Variants in NTM observed in about 807,000 individuals in gnomAD.
NTM encodes neurotrimin.
NTM carries 13 observed loss-of-function variants against 42.1 expected under a neutral mutation model. That is an observed-to-expected ratio of 0.31 (90% CI 0.20 to 0.49). The LOEUF is 0.49. Among genes scored for constraint, NTM ranks in the 20% least tolerant of loss-of-function variants. The pLI is 0.99. For missense variants in NTM, 373 were observed against 452.8 expected, an observed-to-expected ratio of 0.82 and a Z score of 1.60; for synonymous variants, 187 against 179.2, an observed-to-expected ratio of 1.04 and a Z score of -0.35.
intron 1 of NTM, among the ~76,000 whole-genome samples, chr11:131,651,314 C>T (rs2066446606): frequency 1.3e-5 from 2 of 152,118 alleles, no homozygotes; most frequent in Non-Finnish European, 2.9e-5. Flanking sequence ...TATAGCTAGT[C>T]AAAAAACAAG....
intron 2 of NTM, among the ~76,000 whole-genome samples, chr11:132,126,825 C>T (rs1416180399): frequency 1.3e-5 from 2 of 152,100 alleles, no homozygotes; most frequent in Non-Finnish European, 2.9e-5. Context: ...TGCCAGCTGC[C>T]CCTCCTTTGC....
At chr11:131,698,560 A>G (rs912567109) in intron 1 of NTM, among the ~76,000 whole-genome samples, 2 of 152,170 alleles carry the variant, frequency 1.3e-5, no homozygotes, top group African/African-American at 2.4e-5. Flanking sequence ...TTTAAAAACC[A>G]GACATTTCCC....
At chr11:131,736,992 C>T (rs546994426) in intron 1 of NTM, among the ~76,000 whole-genome samples, 1 of 152,204 alleles carries the variant, frequency 6.6e-6, no homozygotes, top group African/African-American at 2.4e-5. Context: ...TACAGTGACT[C>T]TCCTCAGGGG....
intron 3 of NTM, among the ~76,000 whole-genome samples, chr11:132,177,413 C>A (rs1406195335): frequency 2.0e-5 from 3 of 152,172 alleles, no homozygotes; most frequent in Admixed American, 2.0e-4. Context: ...CTTTAACATT[C>A]CAACTGATGG....
intron 3 of NTM, among the ~76,000 whole-genome samples, chr11:132,187,931 C>T (rs373683123): frequency 1.3e-5 from 2 of 152,306 alleles, no homozygotes; most frequent in African/African-American, 4.8e-5. Flanking sequence ...CTCTGACTAA[C>T]ATGTCTACGT....
At chr11:132,150,334 A>C (rs2071576399) in intron 3 of NTM, among the ~76,000 whole-genome samples, 1 of 152,078 alleles carries the variant, frequency 6.6e-6, no homozygotes, top group Admixed American at 6.5e-5. Context: ...TTTGGAATCA[A>C]CTTTCCACAT....
At chr11:131,863,225 G>T (rs2046825089) in intron 1 of NTM, among the ~76,000 whole-genome samples, 1 of 152,218 alleles carries the variant, frequency 6.6e-6, no homozygotes, top group Non-Finnish European at 1.5e-5. Flanking sequence ...AACTGGTGAA[G>T]CCCTGGGCAT....
At chr11:132,209,983 G>A (rs2082585171) in intron 3 of NTM, among the ~76,000 whole-genome samples, 1 of 152,178 alleles carries the variant, frequency 6.6e-6, no homozygotes, top group Non-Finnish European at 1.5e-5. Context: ...TTTCATGAAG[G>A]AAAAGATCCA....
rs199566493 is a variant in NTM at position 131,446,513 on chromosome 11, T to TA, written c.82+75633dup. On this transcript the variant is annotated intron_variant, in intron 1 of 8. Coordinates refer to ENST00000683400, the MANE Select transcript of NTM (RefSeq NM_001352005.2). ...TGATAAACAGTACTAGTTAGAACAT[T>TA]AAAAAAAATGAATTCTTCATATAAA... Among the ~76,000 whole-genome samples the TA allele has an allele frequency of 9.1e-3, 1,382 of 152,058 alleles. 12 individuals carry two copies. The highest frequency in any genetic ancestry group is 0.028 in the African/African-American group (1,166 of 41,472).
chr11:131,606,723 A>G (rs552731059), intron 1 of NTM, among the ~76,000 whole-genome samples: 2 of 152,324 alleles, frequency 1.3e-5, no homozygotes, highest in South Asian at 4.1e-4. Context: ...AGTTGTTAGC[A>G]AGTACATTTT....
At chr11:131,617,568 G>T (rs1446018780) in intron 1 of NTM, among the ~76,000 whole-genome samples, 2 of 152,138 alleles carry the variant, frequency 1.3e-5, no homozygotes, top group East Asian at 3.9e-4. Flanking sequence ...CTCAAGGCTG[G>T]TGTCTGAGTG....
At chr11:131,909,856 CGA>C (rs1169483789) in intron 1 of NTM, 1 of 152,158 alleles carries the variant, frequency 6.6e-6, no homozygotes, top group East Asian at 1.9e-4. Flanking sequence ...ATCAGCTGTG[CGA>C]GAGTGTGAGG....
intron 4 of NTM, among the ~76,000 whole-genome samples, chr11:132,296,567 G>T (rs1034262743): frequency 3.3e-5 from 5 of 152,102 alleles, no homozygotes; most frequent in Non-Finnish European, 7.4e-5. Flanking sequence ...TTTCCTCAAG[G>T]CTACCAGTTC....
At chr11:131,545,775 G>GT (rs1275461006) in intron 1 of NTM, among the ~76,000 whole-genome samples, 1 of 152,222 alleles carries the variant, frequency 6.6e-6, no homozygotes, top group African/African-American at 2.4e-5. Context: ...ATGAAACTGA[G>GT]TTGAAGGTGT....
chr11:131,562,622 T>A (rs2056383174), intron 1 of NTM, among the ~76,000 whole-genome samples: 1 of 152,176 alleles, frequency 6.6e-6, no homozygotes, highest in South Asian at 2.1e-4. Context: ...TTGAAGGCGC[T>A]CTTCCCCTGT....
intron 3 of NTM, among the ~76,000 whole-genome samples, chr11:132,209,002 A>G (rs2138615890): frequency 6.6e-6 from 1 of 152,300 alleles, no homozygotes; most frequent in South Asian, 2.1e-4. Flanking sequence ...GTGAGCAGGG[A>G]CAGGGACCAG....
chr11:131,625,312 C>A (rs577227691), intron 1 of NTM, among the ~76,000 whole-genome samples: 1 of 152,266 alleles, frequency 6.6e-6, no homozygotes, highest in South Asian at 2.1e-4. Context: ...TTTATGGACC[C>A]CTCTGAGCAA....
At chr11:131,403,058 C>T (rs1486035687) in intron 1 of NTM, among the ~76,000 whole-genome samples, 17 of 152,212 alleles carry the variant, frequency 1.1e-4, no homozygotes, top group Admixed American at 1.1e-3. Context: ...ATAAAAGGAA[C>T]AGATAACCAA....
intron 1 of NTM, among the ~76,000 whole-genome samples, chr11:131,399,702 A>T (rs768279985): frequency 1.3e-5 from 2 of 152,182 alleles, no homozygotes; most frequent in East Asian, 3.9e-4. Flanking sequence ...TCTTGTGGTC[A>T]GCTCTTGTTC....
Sources: gnomAD v4.1 joint callset for allele counts (sites outside exome capture counted in the v4.1 genomes callset) on GRCh38, gnomAD v4.1.1 for gene constraint, MANE v1.5 for transcripts, NCBI Gene and HGNC (gene_info 2026-07-23, HGNC 2026-07-21) for gene names.